The following PAN3 variants were observed in gnomAD, a reference collection of about 807,000 sequenced individuals.
PAN3 encodes poly(A) specific ribonuclease subunit PAN3, also known as PAN2-PAN3 deadenylation complex subunit PAN3.
Under a neutral mutation model 96.2 loss-of-function variants are expected in PAN3, and 19 were observed. That is an observed-to-expected ratio of 0.20 (90% CI 0.14 to 0.29). The LOEUF is 0.29. PAN3 is among the 10% of genes least tolerant of loss of function. PAN3 has a pLI of 1.00. For synonymous variants in PAN3, 433 were observed against 406.6 expected, an observed-to-expected ratio of 1.06 and a Z score of -0.78; for missense variants, 882 against 1,108.1, an observed-to-expected ratio of 0.80 and a Z score of 2.90.
In PAN3 at chr13:28,256,327, TCCC is replaced by T. The variant is rs766553144; in HGVS notation, c.1039_1041del (p.Pro347del). The T allele has an allele frequency of 6.2e-7, 1 of 1,613,694 alleles. No individual in the cohort carries two copies. The highest frequency in any genetic ancestry group is 2.2e-5 in the East Asian group (1 of 44,866). ...GTCTGCTGGGTCTTCCCCTCTTCAT[TCCC>T]CCAAGATTACTCCACATACTTCTCC... is the stretch of plus-strand genomic sequence containing the variant. On this transcript the variant is annotated inframe_deletion, in exon 7 of 19. Transcript: ENST00000380958.
rs180676001 is a variant in PAN3 at position 28,145,411 on chromosome 13, G to A, written c.430+6324G>A. Among the ~76,000 whole-genome samples the A allele has an allele frequency of 3.2e-3, 490 of 151,620 alleles. 3 individuals carry two copies. Among genetic ancestry groups the A allele is most frequent in the African/African-American group, 0.011 (461 of 41,322 alleles). On this transcript the variant is annotated intron_variant, in intron 1 of 18. Coordinates refer to ENST00000380958, the MANE Select transcript of PAN3 (RefSeq NM_175854.8). ...GTGATCTCTGCTAACTGCAACCTCC[G>A]CCTCCTGGGTTCAAGCAATTCTCAT...
chr13:28,270,954 C>A, intron 13 of PAN3, 88 bp downstream of exon 13: 1 of 1,277,982 alleles, frequency 7.8e-7, no homozygotes, highest in South Asian at 1.5e-5. Context: ...TTAATTCTGC[C>A]TTTTCATATA....
intron 5 of PAN3, among the ~76,000 whole-genome samples, chr13:28,209,138 GT>G (rs373771989): frequency 5.9e-5 from 9 of 151,798 alleles, no homozygotes; most frequent in Non-Finnish European, 1.0e-4. Context: ...ATTGTTGTTG[GT>G]TTTTTTTACC....
intron 6 of PAN3, chr13:28,239,832 C>T (rs1883476773): frequency 5.2e-6 from 2 of 381,846 alleles, no homozygotes; most frequent in South Asian, 2.3e-5. Context: ...TTACTGACTT[C>T]GTTTTTATTT....
At position 28,266,701 on chromosome 13, in the gene PAN3, A is replaced by G. The variant is rs767914268; in HGVS notation, c.1412-14A>G. On this transcript the variant is annotated splice_polypyrimidine_tract_variant and intron_variant, in intron 9 of 18. Transcript: ENST00000380958. ...GCCTGTATTTTCAAGTCATCTTCTTATGAATTACTCTAGCAGTTCCTACAG... is the reference window on the plus strand; with the variant it reads ...GCCTGTATTTTCAAGTCATCTTCTTGTGAATTACTCTAGCAGTTCCTACAG... 2 of 1,529,562 alleles carry G rather than the reference A, an allele frequency of 1.3e-6. No homozygotes were observed. Among genetic ancestry groups the G allele is most frequent in the African/African-American group, 1.4e-5 (1 of 71,448 alleles). 94.7% of individuals were successfully genotyped at this position (1,529,562 alleles called of 1,614,324 possible).
chr13:28,185,258 A>G (rs1175385124), intron 4 of PAN3, among the ~76,000 whole-genome samples: 1 of 152,186 alleles, frequency 6.6e-6, no homozygotes, highest in Non-Finnish European at 1.5e-5. Context: ...TTTTCTTAAA[A>G]TATACAAGTA....
At chr13:28,271,064 A>G (rs533457856) in intron 13 of PAN3, among the ~76,000 whole-genome samples, 198 bp downstream of exon 13, 1 of 152,332 alleles carries the variant, frequency 6.6e-6, no homozygotes, top group East Asian at 1.9e-4. Flanking sequence ...TTATTAACCA[A>G]AAATCTTGGG....
chr13:28,276,567 G>A (rs1887076688), intron 14 of PAN3, among the ~76,000 whole-genome samples: 1 of 152,176 alleles, frequency 6.6e-6, no homozygotes, highest in African/African-American at 2.4e-5. Context: ...GAGGTTTTAG[G>A]AAAGCAGGTG....
At chr13:28,151,122 A>G (rs933458450) in intron 1 of PAN3, among the ~76,000 whole-genome samples, 1 of 152,186 alleles carries the variant, frequency 6.6e-6, no homozygotes, top group Admixed American at 6.5e-5. Flanking sequence ...AGGCAGAGGG[A>G]TAGAAGGCTA....
At chr13:28,283,810 T>C (rs1270056289) in intron 17 of PAN3, among the ~76,000 whole-genome samples, 1 of 152,202 alleles carries the variant, frequency 6.6e-6, no homozygotes, top group East Asian at 1.9e-4. Flanking sequence ...TTAATAAGTA[T>C]ATGATCCAGG....
At chr13:28,226,370 A>G (rs1004154935) in intron 6 of PAN3, among the ~76,000 whole-genome samples, 2 of 152,172 alleles carry the variant, frequency 1.3e-5, no homozygotes, top group Non-Finnish European at 2.9e-5. Flanking sequence ...TTACAGCTCA[A>G]ATTAATTTGA....
Position 28,276,575 on chromosome 13 carries a change from G to A in PAN3, c.2050-662G>A, listed in dbSNP as rs147405701. 7.5e-4 allele frequency among the ~76,000 whole-genome samples: 114 copies of A among 152,300 alleles called. 4 individuals carry two copies. The East Asian group carries it at 0.018, about 24-fold the overall frequency. On this transcript the variant is annotated intron_variant, in intron 14 of 18. Coordinates refer to ENST00000380958, the MANE Select transcript of PAN3 (RefSeq NM_175854.8). ...AGTGGGAGAGGTTTTAGGAAAGCAGGTGGTGGTTCCAGAGCTCAAAGATCT... is the reference window on the plus strand; with the variant it reads ...AGTGGGAGAGGTTTTAGGAAAGCAGATGGTGGTTCCAGAGCTCAAAGATCT...
intron 12 of PAN3, 131 bp downstream of exon 12, chr13:28,267,532 A>C (rs1886286395): frequency 1.7e-5 from 13 of 747,276 alleles, no homozygotes; most frequent in Admixed American, 2.8e-5. Flanking sequence ...TACATTTTGT[A>C]CTAGTTGTTT....
intron 9 of PAN3, among the ~76,000 whole-genome samples, chr13:28,263,979 C>T (rs1042278465): frequency 3.9e-5 from 6 of 152,078 alleles, no homozygotes; most frequent in Admixed American, 2.6e-4. Context: ...TCCCTTCCCG[C>T]GTAACATTTG....
rs779035643 is a variant in PAN3 at position 28,213,702 on chromosome 13, CAAAA to C, written c.853-6514_853-6511del. ...AAAAGAAATGTTTTTGAAAAAACAG[CAAAA>C]AAAAAAAAAAAAAAGGTTGGGGGAT... is the stretch of plus-strand genomic sequence containing the variant. On this transcript the variant is annotated intron_variant, in intron 5 of 18. Transcript: ENST00000380958. 6.5e-4 allele frequency among the ~76,000 whole-genome samples: 51 copies of C among 78,342 alleles called. No homozygotes were observed. In the East Asian group the frequency reaches 9.2e-3, roughly 14 times the overall value. 51.4% of individuals were successfully genotyped at this position (78,342 alleles called of 152,430 possible).
chr13:28,256,643 A>G (rs1885167816), intron 7 of PAN3, 104 bp downstream of exon 7: 1 of 1,245,052 alleles, frequency 8.0e-7, no homozygotes. Context: ...GTGATGCAAA[A>G]AAGTATTTCA....
At chr13:28,146,217 G>A (rs1301242803) in intron 1 of PAN3, among the ~76,000 whole-genome samples, 2 of 150,204 alleles carry the variant, frequency 1.3e-5, no homozygotes. Flanking sequence ...CACATTGTAT[G>A]GTATAGACAT....
At chr13:28,258,519 G>A (rs1885406916) in intron 7 of PAN3, among the ~76,000 whole-genome samples, 1 of 152,134 alleles carries the variant, frequency 6.6e-6, no homozygotes, top group African/African-American at 2.4e-5. Context: ...ATGTATTATT[G>A]TATCCTTCTG....
chr13:28,158,318 A>G (rs1363209121), intron 1 of PAN3, among the ~76,000 whole-genome samples: 4 of 152,238 alleles, frequency 2.6e-5, no homozygotes, highest in Non-Finnish European at 5.9e-5. Flanking sequence ...GCCAAAAGCA[A>G]TGGCGACAAC....
Sources: allele counts gnomAD v4.1 joint callset (sites outside exome capture counted in the v4.1 genomes callset), GRCh38; gene constraint gnomAD v4.1.1; transcripts MANE v1.5; gene names NCBI Gene and HGNC (gene_info 2026-07-23, HGNC 2026-07-21).